PRKCZ: variants seen among roughly 807,000 people sequenced by gnomAD.
PRKCZ encodes the protein protein kinase C zeta type.
PRKCZ carries 33 observed loss-of-function variants against 79.5 expected under a neutral mutation model. The ratio of observed to expected loss-of-function variants is 0.41; its 90% CI spans 0.31 to 0.55. The LOEUF (loss-of-function observed/expected upper bound fraction) is 0.55, where lower values mean the gene tolerates loss of function less well. Among genes scored for constraint, PRKCZ ranks in the 20% least tolerant of loss-of-function variants. PRKCZ has a pLI of 0.19. For missense variants in PRKCZ, 578 were observed against 813.5 expected (o/e 0.71, Z 3.52); for synonymous variants, 342 against 320.9 (o/e 1.07, Z -0.70).
chr1:2,164,386 C>T (rs1212601390), intron 10 of PRKCZ, among the ~76,000 whole-genome samples: 1 of 152,220 alleles, frequency 6.6e-6, no homozygotes, highest in Non-Finnish European at 1.5e-5. Context: ...CAGGCCTGAG[C>T]TCCGTGGGGC....
intron 4 of PRKCZ, among the ~76,000 whole-genome samples, chr1:2,116,791 T>TA (rs1374202051): frequency 1.3e-5 from 2 of 152,230 alleles, no homozygotes; most frequent in African/African-American, 4.8e-5. Context: ...ATGGGCTTGT[T>TA]AATAAGCCAT....
At chr1:2,134,656 C>T (rs1257307573) in intron 4 of PRKCZ, among the ~76,000 whole-genome samples, 2 of 152,160 alleles carry the variant, frequency 1.3e-5, no homozygotes, top group Non-Finnish European at 2.9e-5. Context: ...GTTTGGCTCT[C>T]CTGCCCTGAG....
intron 4 of PRKCZ, among the ~76,000 whole-genome samples, chr1:2,130,213 G>A (rs1674695055): frequency 6.6e-6 from 1 of 152,248 alleles, no homozygotes; most frequent in Admixed American, 6.5e-5. Flanking sequence ...GCCAAAAGGT[G>A]TATTTGTTAA....
intron 4 of PRKCZ, among the ~76,000 whole-genome samples, chr1:2,105,932 A>C (rs114910796): frequency 0.012 from 1,849 of 152,216 alleles, 32 homozygotes; most frequent in African/African-American, 0.041. Flanking sequence ...CCACCCCCCC[A>C]CACACACATG....
At chr1:2,161,322 C>G (rs1682250735) in intron 10 of PRKCZ, among the ~76,000 whole-genome samples, 2 of 152,256 alleles carry the variant, frequency 1.3e-5, no homozygotes, top group Admixed American at 1.3e-4. Context: ...CAAGGCTGTG[C>G]ACGGGAGAAG....
At chr1:2,161,647 G>T (rs1316474082) in intron 10 of PRKCZ, among the ~76,000 whole-genome samples, 1 of 152,182 alleles carries the variant, frequency 6.6e-6, no homozygotes, top group Non-Finnish European at 1.5e-5. Flanking sequence ...CAGGTCAGGG[G>T]GCAGGTGTCA....
intron 4 of PRKCZ, among the ~76,000 whole-genome samples, chr1:2,110,350 C>G (rs1299408723): frequency 6.6e-6 from 1 of 152,242 alleles, no homozygotes; most frequent in African/African-American, 2.4e-5. Context: ...CAGGCAGGAC[C>G]TTTCTTCCCT....
intron 10 of PRKCZ, among the ~76,000 whole-genome samples, chr1:2,166,913 G>C (rs1337997741): frequency 6.6e-6 from 1 of 152,242 alleles, no homozygotes; most frequent in Non-Finnish European, 1.5e-5. Context: ...AGCCCATGTG[G>C]ATTACAGGTG....
In PRKCZ at chr1:2,171,913, G is replaced by C. The variant is rs186877415; in HGVS notation, c.1062-142G>C. The C allele has an allele frequency of 3.8e-6, 4 of 1,066,474 alleles. No individual in the cohort carries two copies. In the Admixed American group the frequency reaches 1.2e-4, roughly 31 times the overall value. The allele number at this position is 1,066,474 out of a possible 1,614,324, so 66.1% of individuals were successfully genotyped here. ...ATTTCCCTCCCTGGCCCTGTGCACT[G>C]CACTTTCAAATCCTGGGCCTGGTCA... On this transcript the variant is annotated intron_variant, in intron 11 of 17. Coordinates refer to ENST00000378567, the MANE Select transcript of PRKCZ (RefSeq NM_002744.6).
chr1:2,050,966 G>T, intron 1 of PRKCZ: 1 of 356,264 alleles, frequency 2.8e-6, no homozygotes, highest in Non-Finnish European at 5.0e-6. Context: ...CATTGTGGTA[G>T]ACGTTTTCGC....
chr1:2,118,686 TATG>T (rs1671234540), intron 4 of PRKCZ, among the ~76,000 whole-genome samples: 1 of 150,284 alleles, frequency 6.7e-6, no homozygotes, highest in South Asian at 2.1e-4. Flanking sequence ...ATCTGATCTG[TATG>T]ATGTTAGTGT....
At chr1:2,153,248 G>A (rs1286397007) in intron 9 of PRKCZ, among the ~76,000 whole-genome samples, 5 of 152,232 alleles carry the variant, frequency 3.3e-5, no homozygotes, top group Admixed American at 6.5e-5. Context: ...GTTGGCTTCT[G>A]GTATTTTTGG....
intron 4 of PRKCZ, 196 bp from the exon 5 acceptor site, chr1:2,135,066 C>T (rs1236606744): frequency 4.7e-5 from 24 of 507,592 alleles, no homozygotes; most frequent in Non-Finnish European, 7.8e-5. Flanking sequence ...GCCGCCGAGG[C>T]CGTGACACCA....
intron 4 of PRKCZ, among the ~76,000 whole-genome samples, chr1:2,083,775 C>A (rs923462300): frequency 1.3e-5 from 2 of 152,086 alleles, no homozygotes; most frequent in African/African-American, 4.8e-5. Flanking sequence ...CGTGGGTATT[C>A]TTCTTTGATA....
intron 4 of PRKCZ, among the ~76,000 whole-genome samples, chr1:2,102,335 G>C: frequency 6.7e-6 from 1 of 148,610 alleles, no homozygotes; most frequent in Non-Finnish European, 1.5e-5. Flanking sequence ...TGTTTGTTTT[G>C]TTTTGTTTTG....
chr1:2,085,127 C>T lies in PRKCZ; in HGVS notation c.334+25536C>T, dbSNP rs551073672. Among the ~76,000 whole-genome samples, 5 of 152,022 alleles carry T rather than the reference C, an allele frequency of 3.3e-5. No individual in the cohort carries two copies. In the East Asian group the frequency reaches 7.7e-4, roughly 24 times the overall value. On this transcript the variant is annotated intron_variant, in intron 4 of 17. Transcript: ENST00000378567. ...TCCCTGTGGCTCTGCGGGTAGGGGG[C>T]GATTCCTCTGTCAGCTGGGTGAGGA...
chr1:2,071,100 C>T (rs865937172), intron 4 of PRKCZ, among the ~76,000 whole-genome samples: 3 of 129,440 alleles, frequency 2.3e-5, no homozygotes, highest in Non-Finnish European at 4.9e-5. Flanking sequence ...CTCAGGGGGG[C>T]GCCTGCACTG....
intron 1 of PRKCZ, among the ~76,000 whole-genome samples, chr1:2,052,686 T>G (rs1659792988): frequency 6.6e-6 from 1 of 152,132 alleles, no homozygotes; most frequent in Non-Finnish European, 1.5e-5. Context: ...CTGAGGGGAC[T>G]GGCTGTGGGG....
chr1:2,090,957 CT>C (rs1395267966), intron 4 of PRKCZ, among the ~76,000 whole-genome samples: 1 of 152,240 alleles, frequency 6.6e-6, no homozygotes, highest in Non-Finnish European at 1.5e-5. Context: ...TAAATATCAT[CT>C]TTTCAAACTG....
Sources: allele counts gnomAD v4.1 joint callset (sites outside exome capture counted in the v4.1 genomes callset), GRCh38; gene constraint gnomAD v4.1.1; transcripts MANE v1.5; gene names NCBI Gene and HGNC (gene_info 2026-07-23, HGNC 2026-07-21).